The following NCKAP5 variants were observed in gnomAD, a reference collection of about 807,000 sequenced individuals.
The protein encoded by NCKAP5 is NCK associated protein 5.
Under a neutral mutation model 167.0 loss-of-function variants are expected in NCKAP5, and 92 were observed. The ratio of observed to expected loss-of-function variants is 0.55; its 90% CI spans 0.47 to 0.66. NCKAP5 has a LOEUF of 0.66. Among genes scored for constraint, NCKAP5 ranks in the 30% least tolerant of loss-of-function variants. NCKAP5 has a pLI of 0.00. For synonymous variants in NCKAP5, 891 were observed against 877.4 expected, an observed-to-expected ratio of 1.02 and a Z score of -0.27; for missense variants, 2,378 against 2,315.0, an observed-to-expected ratio of 1.03 and a Z score of -0.56.
intron 12 of NCKAP5, among the ~76,000 whole-genome samples, chr2:132,794,240 A>G (rs1189929746): frequency 3.4e-4 from 19 of 55,250 alleles, no homozygotes; most frequent in African/African-American, 1.0e-3. Context: ...ATATATATAT[A>G]TATATATATA....
At chr2:133,063,058 T>C (rs1159457090) in intron 6 of NCKAP5, among the ~76,000 whole-genome samples, 2 of 152,158 alleles carry the variant, frequency 1.3e-5, no homozygotes, top group African/African-American at 4.8e-5. Context: ...CCAGCTCCCA[T>C]GGAAGGCACT....
chr2:133,369,562 T>C (rs867984068), intron 3 of NCKAP5, among the ~76,000 whole-genome samples: 2 of 152,234 alleles, frequency 1.3e-5, no homozygotes, highest in Non-Finnish European at 2.9e-5. Flanking sequence ...CAATTTGCAA[T>C]GTGGCTTGAT....
At chr2:133,326,981 G>GAGT (rs1682498797) in intron 3 of NCKAP5, among the ~76,000 whole-genome samples, 1 of 152,216 alleles carries the variant, frequency 6.6e-6, no homozygotes, top group Non-Finnish European at 1.5e-5. Context: ...ACCACATTCT[G>GAGT]AGTAGCAGGA....
rs372584037 is a variant in NCKAP5, at chr2:132,729,587, GTC to G, written c.5444-637_5444-636del. ...AGTAGGTATGGGGTGGGCTCTGAGA[GTC>G]TGCAGTTCTGACAAGCTCCCAGGTG... On this transcript the variant is annotated intron_variant, in intron 17 of 19. Transcript: ENST00000409261. Among the ~76,000 whole-genome samples the G allele has an allele frequency of 1.6e-4, 25 of 152,344 alleles. No individual in the cohort carries two copies. The East Asian group carries it at 4.6e-3, about 28-fold the overall frequency.
chr2:133,240,713 C>T (rs2087656751), intron 4 of NCKAP5, among the ~76,000 whole-genome samples: 1 of 152,172 alleles, frequency 6.6e-6, no homozygotes, highest in Non-Finnish European at 1.5e-5. Flanking sequence ...TCCTGCATGC[C>T]TCCCTGGCCC....
At chr2:133,107,261 A>G (rs1365156097) in intron 6 of NCKAP5, among the ~76,000 whole-genome samples, 2 of 152,128 alleles carry the variant, frequency 1.3e-5, no homozygotes, top group African/African-American at 4.8e-5. Flanking sequence ...AAAGCCACCA[A>G]TGGGCTCCAA....
rs114701370 is a variant in NCKAP5, at chr2:132,890,218, C to T, written c.580-11302G>A. 8.0e-3 allele frequency among the ~76,000 whole-genome samples: 1,215 copies of T among 152,192 alleles called. 14 individuals are homozygous for T. Among genetic ancestry groups the T allele is most frequent in the African/African-American group, 0.029 (1,184 of 41,524 alleles). On this transcript the variant is annotated intron_variant, in intron 8 of 19. Coordinates refer to ENST00000409261, the MANE Select transcript of NCKAP5 (RefSeq NM_207363.3). ...ATTTTCTCTTTGGAATTTTTTCCAG[C>T]CAAAAATGTGCTGCTTTATGATGGC...
chr2:133,238,552 T>A (rs1022683751), intron 4 of NCKAP5, among the ~76,000 whole-genome samples: 2 of 152,208 alleles, frequency 1.3e-5, no homozygotes, highest in African/African-American at 4.8e-5. Context: ...TCTCACTCAG[T>A]CAGTACCATC....
chr2:133,212,441 C>T (rs925419036), intron 5 of NCKAP5, among the ~76,000 whole-genome samples: 4 of 152,124 alleles, frequency 2.6e-5, no homozygotes, highest in South Asian at 2.1e-4. Flanking sequence ...AATCTCGGCT[C>T]GCTGCAACCT....
At chr2:133,371,152 G>A (rs946213448) in intron 3 of NCKAP5, among the ~76,000 whole-genome samples, 1 of 152,184 alleles carries the variant, frequency 6.6e-6, no homozygotes, top group South Asian at 2.1e-4. Flanking sequence ...GACCAGCTAA[G>A]ACCTTCAGTC....
chr2:133,633,447 A>T, the NCKAP5 span, among the ~76,000 whole-genome samples: 1 of 152,190 alleles, frequency 6.6e-6, no homozygotes, highest in Non-Finnish European at 1.5e-5. Context: ...GGGTACCTTG[A>T]AAAGAGAGTG....
intron 6 of NCKAP5, among the ~76,000 whole-genome samples, chr2:133,006,621 A>AT (rs1159412993): frequency 2.7e-4 from 22 of 81,276 alleles, no homozygotes; most frequent in East Asian, 1.7e-3. Context: ...ATTTTATTTT[A>AT]TTTTATTTTT....
At chr2:133,113,574 C>A (rs1320076534) in intron 6 of NCKAP5, among the ~76,000 whole-genome samples, 1 of 152,218 alleles carries the variant, frequency 6.6e-6, no homozygotes, top group Non-Finnish European at 1.5e-5. Flanking sequence ...TGTGGGTTTC[C>A]CTGCATCATG....
intron 19 of NCKAP5, among the ~76,000 whole-genome samples, chr2:132,700,050 T>C (rs1687732252): frequency 6.6e-6 from 1 of 152,192 alleles, no homozygotes; most frequent in Non-Finnish European, 1.5e-5. Context: ...TATCTCATTG[T>C]GGTTTTGATT....
chr2:132,892,585 T>G (rs1692800489), intron 8 of NCKAP5, among the ~76,000 whole-genome samples: 1 of 152,200 alleles, frequency 6.6e-6, no homozygotes, highest in Non-Finnish European at 1.5e-5. Flanking sequence ...AGAATATTTG[T>G]GGCATTAACC....
intron 4 of NCKAP5, among the ~76,000 whole-genome samples, chr2:133,218,963 AT>A (rs1215415111): frequency 6.6e-6 from 1 of 152,238 alleles, no homozygotes; most frequent in African/African-American, 2.4e-5. Context: ...AAATCATGAA[AT>A]TTTGTAGACT....
intron 2 of NCKAP5, among the ~76,000 whole-genome samples, chr2:133,542,078 T>C (rs12990737): frequency 0.28 from 42,968 of 151,940 alleles, 6,503 homozygotes; most frequent in East Asian, 0.37. Context: ...TGCATCCCAG[T>C]TGTGAGGCTG....
intron 8 of NCKAP5, among the ~76,000 whole-genome samples, chr2:132,921,069 A>G (rs922463979): frequency 5.3e-5 from 8 of 151,794 alleles, no homozygotes; most frequent in Middle Eastern, 3.4e-3. Flanking sequence ...ACTGAACTGT[A>G]TATATTCCCA....
At chr2:133,185,063 A>G (rs1253446392) in intron 5 of NCKAP5, among the ~76,000 whole-genome samples, 1 of 152,072 alleles carries the variant, frequency 6.6e-6, no homozygotes, top group African/African-American at 2.4e-5. Flanking sequence ...AGTATTTGCT[A>G]GGATTTCTTC....
Sources: gnomAD v4.1 joint callset for allele counts (sites outside exome capture counted in the v4.1 genomes callset) on GRCh38, gnomAD v4.1.1 for gene constraint, MANE v1.5 for transcripts, NCBI Gene and HGNC (gene_info 2026-07-23, HGNC 2026-07-21) for gene names.